The following OBI1 variants were observed in gnomAD, a reference collection of about 807,000 sequenced individuals.
The protein encoded by OBI1 is ring finger protein 219.
A neutral mutation model predicts 62.4 loss-of-function variants in OBI1; 59 were observed. That is an observed-to-expected ratio of 0.95 (90% CI 0.77 to 1.17). OBI1 has a LOEUF of 1.17. OBI1 is among the 50% of genes most tolerant of loss of function. OBI1 has a pLI of 0.00. For missense variants in OBI1, 875 were observed against 830.9 expected, an observed-to-expected ratio of 1.05 and a Z score of -0.65; for synonymous variants, 302 against 292.8, an observed-to-expected ratio of 1.03 and a Z score of -0.32.
intron 1 of OBI1, among the ~76,000 whole-genome samples, chr13:78,650,977 CTGG>C (rs1279402930): frequency 6.6e-6 from 1 of 152,090 alleles, no homozygotes; most frequent in African/African-American, 2.4e-5. Flanking sequence ...TCACCAGACG[CTGG>C]TATTATACAT....
intron 5 of OBI1, among the ~76,000 whole-genome samples, chr13:78,618,237 T>C (rs1875384100): frequency 6.6e-6 from 1 of 152,142 alleles, no homozygotes; most frequent in Non-Finnish European, 1.5e-5. Context: ...ATGATTTATA[T>C]ATTGGCCCAT....
At chr13:78,644,541 T>G (rs1189341190) in intron 2 of OBI1, among the ~76,000 whole-genome samples, 1 of 152,146 alleles carries the variant, frequency 6.6e-6, no homozygotes, top group Non-Finnish European at 1.5e-5. Flanking sequence ...TATGAAGCCC[T>G]TCTCGGTGTT....
chr13:78,656,902 A>G lies in OBI1; in HGVS notation c.72+2147T>C, dbSNP rs1248209229. 2.0e-5 allele frequency among the ~76,000 whole-genome samples: 3 copies of G among 148,778 alleles called. No homozygotes were observed. In the East Asian group the frequency reaches 6.0e-4, roughly 30 times the overall value. ...AACCTCCGCCTCCCAGGTTCAAGCA[A>G]TTCTCCTGCCTCAACTGGGATTACA... On this transcript the variant is annotated intron_variant, in intron 1 of 5. Coordinates refer to ENST00000282003, the MANE Select transcript of OBI1 (RefSeq NM_024546.4).
At chr13:78,635,381 A>T (rs1298574910) in intron 4 of OBI1, among the ~76,000 whole-genome samples, 183 bp from the exon 5 acceptor site, 3 of 152,242 alleles carry the variant, frequency 2.0e-5, no homozygotes, top group African/African-American at 7.2e-5. Flanking sequence ...ACTACTGAGC[A>T]TTTTAAAACC....
In OBI1 at chr13:78,616,902, C is replaced by T. The variant is rs1311048814; in HGVS notation, c.859G>A (p.Glu287Lys). ...ADGKGSKGSE[E>K]DVVSKNQGDS... ...CCTTGATTCTTTGACACCACATCCT[C>T]CTCACTGCCTTTGCTCCCTTTGCCA... Residue 287 changes from glutamate (E) to lysine (K), a missense_variant, in exon 6 of 6, where the codon GAG (glutamate) becomes AAG (lysine). Physicochemically the swap from Glu to Lys is moderately conservative, Grantham distance 56. Coordinates refer to ENST00000282003, the MANE Select transcript of OBI1 (RefSeq NM_024546.4). 1.2e-6 allele frequency: 2 copies of T among 1,614,164 alleles called. No homozygotes were observed. The highest frequency in any genetic ancestry group is 1.7e-5 in the Admixed American group (1 of 60,030).
intron 1 of OBI1, among the ~76,000 whole-genome samples, chr13:78,653,718 A>G (rs535082771): frequency 6.6e-6 from 1 of 152,296 alleles, no homozygotes; most frequent in East Asian, 1.9e-4. Context: ...TCTTGCAATT[A>G]TATCTATTAT....
At chr13:78,653,628 T>C (rs1303358059) in intron 1 of OBI1, among the ~76,000 whole-genome samples, 2 of 152,182 alleles carry the variant, frequency 1.3e-5, no homozygotes, top group African/African-American at 2.4e-5. Flanking sequence ...TACAGGACGA[T>C]GTGCCTGAAG....
At chr13:78,655,720 T>C (rs1246215267) in intron 1 of OBI1, among the ~76,000 whole-genome samples, 1 of 152,176 alleles carries the variant, frequency 6.6e-6, no homozygotes, top group Non-Finnish European at 1.5e-5. Flanking sequence ...AAAGAGAAGA[T>C]GCTGACTGTG....
chr13:78,633,356 T>A (rs1875912862), intron 5 of OBI1, among the ~76,000 whole-genome samples: 1 of 152,188 alleles, frequency 6.6e-6, no homozygotes, highest in South Asian at 2.1e-4. Flanking sequence ...TATCTCTGCC[T>A]CCAGTAATTA....
intron 1 of OBI1, among the ~76,000 whole-genome samples, chr13:78,652,650 G>A (rs1876578472): frequency 6.6e-6 from 1 of 152,110 alleles, no homozygotes; most frequent in Non-Finnish European, 1.5e-5. Context: ...CAGACTGGGG[G>A]GTTTCACCTC....
intron 5 of OBI1, among the ~76,000 whole-genome samples, chr13:78,619,008 T>C (rs1452721929): frequency 6.6e-6 from 1 of 152,200 alleles, no homozygotes; most frequent in East Asian, 1.9e-4. Context: ...CTGTAGTATG[T>C]TTATTTAATG....
chr13:78,642,026 T>C (rs1056232636), intron 3 of OBI1, 96 bp downstream of exon 3: 7 of 519,686 alleles, frequency 1.3e-5, no homozygotes, highest in Non-Finnish European at 2.4e-5. Context: ...TAAAATTTCA[T>C]TGGATATTTA....
At chr13:78,630,168 T>A (rs541417103) in intron 5 of OBI1, among the ~76,000 whole-genome samples, 1 of 152,258 alleles carries the variant, frequency 6.6e-6, no homozygotes, top group Admixed American at 6.5e-5. Flanking sequence ...CTGTCTCTAT[T>A]ATTTGGCTTA....
intron 1 of OBI1, among the ~76,000 whole-genome samples, chr13:78,650,163 T>A (rs1282808449): frequency 1.3e-5 from 2 of 152,150 alleles, no homozygotes; most frequent in African/African-American, 4.8e-5. Flanking sequence ...AGATGAGTAG[T>A]TTGGTTTACC....
chr13:78,635,576 T>G (rs1426515182), intron 4 of OBI1, among the ~76,000 whole-genome samples: 2 of 152,198 alleles, frequency 1.3e-5, no homozygotes, highest in Admixed American at 1.3e-4. Flanking sequence ...AAACTAATGC[T>G]GAAGAGTTAA....
intron 3 of OBI1, among the ~76,000 whole-genome samples, chr13:78,641,076 T>C (rs775431515): frequency 3.3e-5 from 5 of 152,202 alleles, no homozygotes; most frequent in Non-Finnish European, 7.3e-5. Flanking sequence ...CATTTATTCA[T>C]CTATAATAAA....
In OBI1 at chr13:78,644,967, G is replaced by A; in HGVS notation, c.103C>T (p.His35Tyr). The change falls in exon 2 of 6, where the codon CAT (histidine) becomes TAT (tyrosine). Residue 35 changes from histidine to tyrosine, a missense_variant. Transcript: ENST00000282003. ...TCAATACAAATCGAACAAAATACAT[G>A]GTTGTTGATGCATATGACAGGCTGA... The part of the protein sequence containing the change: ...VRQPVICINN[H>Y]VFCSICIDLW... 6.2e-7 allele frequency: 1 copy of A among 1,613,480 alleles called. No homozygotes were observed. The highest frequency in any genetic ancestry group is 8.5e-7 in the Non-Finnish European group (1 of 1,179,714).
At chr13:78,642,354 A>C (rs1876244747) in intron 2 of OBI1, 141 bp from the exon 3 acceptor site, 1 of 545,036 alleles carries the variant, frequency 1.8e-6, no homozygotes, top group Non-Finnish European at 3.3e-6. Context: ...GCTTACATCT[A>C]GGCCTTTTCT....
intron 1 of OBI1, among the ~76,000 whole-genome samples, chr13:78,646,219 C>T (rs1320358625): frequency 2.6e-5 from 4 of 152,120 alleles, no homozygotes; most frequent in East Asian, 3.9e-4. Context: ...ATATTATACT[C>T]GTGTTTACAT....
Sources: allele counts gnomAD v4.1 joint callset (sites outside exome capture counted in the v4.1 genomes callset), GRCh38; gene constraint gnomAD v4.1.1; transcripts MANE v1.5; gene names NCBI Gene and HGNC (gene_info 2026-07-23, HGNC 2026-07-21).